FBXO10: variants seen among roughly 807,000 people sequenced by gnomAD.
The protein encoded by FBXO10 is F-box only protein 10.
Under a neutral mutation model 80.7 loss-of-function variants are expected in FBXO10, and 39 were observed. That is an observed-to-expected ratio of 0.48 (90% CI 0.37 to 0.63). The LOEUF is 0.63. Among genes scored for constraint, FBXO10 ranks in the 30% least tolerant of loss-of-function variants. The pLI is 0.00. For missense variants in FBXO10, 1,025 were observed against 1,269.0 expected (o/e 0.81, Z 2.92); for synonymous variants, 449 against 489.6 (o/e 0.92, Z 1.09).
chr9:37,558,009 C>T (rs543557227), intron 1 of FBXO10, among the ~76,000 whole-genome samples: 5 of 152,330 alleles, frequency 3.3e-5, no homozygotes, highest in African/African-American at 4.8e-5. Context: ...AGAGCTTTGA[C>T]GTACTTGTTA....
At chr9:37,514,926 G>A (rs1821147353) in intron 10 of FBXO10, 1 of 152,092 alleles carries the variant, frequency 6.6e-6, no homozygotes, top group African/African-American at 2.4e-5. Flanking sequence ...CAAAAAGTAT[G>A]GAGATCATTA....
At chr9:37,570,956 T>C (rs964551885) in intron 1 of FBXO10, among the ~76,000 whole-genome samples, 2 of 148,562 alleles carry the variant, frequency 1.3e-5, no homozygotes, top group African/African-American at 5.0e-5. Flanking sequence ...ATTGCGCCAC[T>C]GCAGTCCAGC....
intron 1 of FBXO10, among the ~76,000 whole-genome samples, chr9:37,561,880 A>C (rs1217684372): frequency 6.6e-6 from 1 of 152,228 alleles, no homozygotes; most frequent in Non-Finnish European, 1.5e-5. Flanking sequence ...GTGACATTTG[A>C]ATAGAGACCT....
intron 1 of FBXO10, among the ~76,000 whole-genome samples, chr9:37,572,804 T>C (rs1822792823): frequency 1.3e-5 from 2 of 152,228 alleles, no homozygotes; most frequent in South Asian, 2.1e-4. Context: ...CTATATATTG[T>C]GTTTTTTACC....
chr9:37,534,695 T>C (rs1412382923), intron 3 of FBXO10, among the ~76,000 whole-genome samples: 1 of 151,884 alleles, frequency 6.6e-6, no homozygotes, highest in East Asian at 1.9e-4. Context: ...GATGAGAGAC[T>C]GGAGACAGCA....
intron 4 of FBXO10, 57 bp from the exon 5 acceptor site, chr9:37,529,317 G>T: frequency 6.4e-7 from 1 of 1,556,032 alleles, no homozygotes; most frequent in African/African-American, 1.4e-5. Flanking sequence ...GCGAAGCAGA[G>T]TGCCCAGGTG....
chr9:37,563,115 G>A (rs1182562307), intron 1 of FBXO10, among the ~76,000 whole-genome samples: 2 of 152,178 alleles, frequency 1.3e-5, no homozygotes, highest in Non-Finnish European at 2.9e-5. Context: ...CACAAGATCT[G>A]ATGGTTTTAT....
rs779086210 is a variant in FBXO10 at position 37,537,664 on chromosome 9, A to G, written c.865T>C (p.Ser289Pro). The G allele has an allele frequency of 6.2e-7, 1 of 1,613,858 alleles. No individual in the cohort carries two copies. The highest frequency in any genetic ancestry group is 1.3e-5 in the African/African-American group (1 of 74,902). Residue 289 changes from serine to proline, a missense_variant, in exon 3 of 11, where the codon TCT becomes CCT. Ser to Pro is a moderately conservative substitution (Grantham distance 74). Around this residue, in one of 3 missense-constraint regions of FBXO10, gnomAD observed 450 missense variants for 499.4 expected, o/e 0.90. Transcript: ENST00000432825. ...SSPTFLPTED[S>P]DFLMSLDLES... ...AGGTCCAGGGACATTAAAAAGTCAG[A>G]GTCCTCTGTGGGGAGAAAAGTGGGT...
chr9:37,516,965 A>AG (rs1036833475), intron 9 of FBXO10, among the ~76,000 whole-genome samples: 9 of 151,672 alleles, frequency 5.9e-5, no homozygotes, highest in African/African-American at 2.2e-4. Context: ...CATCTCAAAA[A>AG]AAAAAAAAAC....
chr9:37,538,569 G>A (rs1012956588), intron 2 of FBXO10, among the ~76,000 whole-genome samples: 1 of 152,082 alleles, frequency 6.6e-6, no homozygotes, highest in Non-Finnish European at 1.5e-5. Context: ...TTAGCTGGGC[G>A]TGGTGGTGTG....
At chr9:37,557,871 C>T (rs1822376978) in intron 1 of FBXO10, among the ~76,000 whole-genome samples, 1 of 152,196 alleles carries the variant, frequency 6.6e-6, no homozygotes, top group Admixed American at 6.5e-5. Context: ...TCATTATCCC[C>T]ATTTTCATAA....
rs773188372 is a variant in FBXO10 at position 37,532,039 on chromosome 9, T to C, written c.1439A>G (p.Asp480Gly). Reference sequence around the variant, plus strand: ...GCCTGACGCTCGGCAGCGGTAAATGTCGTTCCTGAGCATGATGATCTAAGC... The same window carrying C: ...GCCTGACGCTCGGCAGCGGTAAATGCCGTTCCTGAGCATGATGATCTAAGC... Reference protein sequence around the residue: ...HNSKIIMLRNDIYRCRASGIF... With the variant: ...HNSKIIMLRNGIYRCRASGIF... Residue 480 changes from aspartate (D) to glycine (G), a missense_variant, in exon 4 of 11, where the codon GAC becomes GGC. Coordinates refer to ENST00000432825, the MANE Select transcript of FBXO10 (RefSeq NM_012166.3). The C allele has an allele frequency of 6.2e-7, 1 of 1,613,764 alleles. No homozygotes were observed. The highest frequency in any genetic ancestry group is 2.2e-5 in the East Asian group (1 of 44,880).
At position 37,531,767 on chromosome 9, in the gene FBXO10, C is replaced by A. The variant is rs528361061; in HGVS notation, c.1569+142G>T. 6.7e-5 allele frequency: 51 copies of A among 765,510 alleles called. No homozygotes were observed. In the East Asian group the frequency reaches 1.4e-3, roughly 22 times the overall value. The allele number at this position is 765,510 out of a possible 1,614,324, so 47.4% of individuals were successfully genotyped here. A position where few individuals can be genotyped will look rare whatever the true frequency, so the allele number is the denominator to read the frequency against. On this transcript the variant is annotated intron_variant, in intron 4 of 10. Transcript: ENST00000432825. Reference sequence around the variant, plus strand: ...ATACACAGACAGAGACACAGAGTCACAAGGACACGCAGAGGACAGAGCAGG... The same window carrying A: ...ATACACAGACAGAGACACAGAGTCAAAAGGACACGCAGAGGACAGAGCAGG...
At chr9:37,559,655 A>G (rs1393194532) in intron 1 of FBXO10, among the ~76,000 whole-genome samples, 1 of 152,248 alleles carries the variant, frequency 6.6e-6, no homozygotes, top group African/African-American at 2.4e-5. Flanking sequence ...CCACAAGACT[A>G]GTACTAACCA....
chr9:37,544,425 C>A (rs1238851873), intron 1 of FBXO10, among the ~76,000 whole-genome samples: 1 of 151,680 alleles, frequency 6.6e-6, no homozygotes, highest in Non-Finnish European at 1.5e-5. Flanking sequence ...AGAGTGAGAC[C>A]CTATCTCATA....
intron 1 of FBXO10, among the ~76,000 whole-genome samples, chr9:37,559,509 G>A (rs1822423292): frequency 6.6e-6 from 1 of 152,326 alleles, no homozygotes; most frequent in African/African-American, 2.4e-5. Context: ...AGCACCCAAA[G>A]GCTTGCTGTG....
chr9:37,522,684 G>C (rs2119068275), intron 7 of FBXO10, 141 bp downstream of exon 7: 1 of 1,160,406 alleles, frequency 8.6e-7, no homozygotes, highest in Middle Eastern at 3.0e-4. Context: ...GGGAGGGCCT[G>C]GGTGACTGTG....
At chr9:37,553,006 T>C (rs1178488018) in intron 1 of FBXO10, among the ~76,000 whole-genome samples, 1 of 142,736 alleles carries the variant, frequency 7.0e-6, no homozygotes, top group Admixed American at 7.2e-5. Context: ...CAGTGACCAA[T>C]TCAGGTTGTG....
rs576709881 is a variant in FBXO10 at position 37,569,192 on chromosome 9, C to T, written c.-7+7019G>A. Among the ~76,000 whole-genome samples, 3 of 149,404 alleles carry T rather than the reference C, an allele frequency of 2.0e-5. No individual in the cohort carries two copies. The East Asian group carries it at 5.9e-4, about 29-fold the overall frequency. The stretch of plus-strand genomic sequence containing the variant: ...CTAAAACACAGTTACAGAAAAGATG[C>T]AACTAATGGAAAAAAAATACCTTGT... On this transcript the variant is annotated intron_variant, in intron 1 of 10. Coordinates refer to ENST00000432825, the MANE Select transcript of FBXO10 (RefSeq NM_012166.3).
Sources: gnomAD v4.1 joint callset for allele counts (sites outside exome capture counted in the v4.1 genomes callset) on GRCh38, gnomAD v4.1.1 for gene constraint, gnomAD v4.1.1 regional missense constraint, MANE v1.5 for transcripts, NCBI Gene and HGNC (gene_info 2026-07-23, HGNC 2026-07-21) for gene names.